RNGTT: variants seen among roughly 807,000 people sequenced by gnomAD.
The protein encoded by RNGTT is RNA guanylyltransferase and 5'-phosphatase, also known as mRNA-capping enzyme.
Under a neutral mutation model 79.3 loss-of-function variants are expected in RNGTT, and 33 were observed. The ratio of observed to expected loss-of-function variants is 0.42; its 90% CI spans 0.32 to 0.56. The LOEUF (loss-of-function observed/expected upper bound fraction) is 0.56, where lower values mean the gene tolerates loss of function less well. Among genes scored for constraint, RNGTT ranks in the 20% least tolerant of loss-of-function variants. The probability of loss-of-function intolerance (pLI) is 0.17; values close to 1 mark genes in which losing one functional copy is unlikely to be tolerated. For synonymous variants in RNGTT, 222 were observed against 235.9 expected (o/e 0.94, Z 0.54); for missense variants, 497 against 739.1 (o/e 0.67, Z 3.80).
chr6:88,886,303 CAA>C (rs35570814), intron 8 of RNGTT, among the ~76,000 whole-genome samples: 1 of 141,938 alleles, frequency 7.0e-6, no homozygotes, highest in Non-Finnish European at 1.5e-5. Context: ...GACTCCGTCT[CAA>C]AAAAAAAAAG....
At position 88,812,028 on chromosome 6, in the gene RNGTT, T is replaced by C. The variant is rs535190276; in HGVS notation, c.1270-10396A>G. 2.6e-5 allele frequency among the ~76,000 whole-genome samples: 4 copies of C among 152,312 alleles called. No homozygotes were observed. In the East Asian group the frequency reaches 7.7e-4, roughly 29 times the overall value. ...TTAGGATTATTCAATGCTTCTGTACTCTGAATGTCCTTCTAATCAGTAAAT... is the reference window on the plus strand; with the variant it reads ...TTAGGATTATTCAATGCTTCTGTACCCTGAATGTCCTTCTAATCAGTAAAT... On this transcript the variant is annotated intron_variant, in intron 11 of 15. Coordinates refer to ENST00000369485, the MANE Select transcript of RNGTT (RefSeq NM_003800.5).
At chr6:88,775,330 C>T (rs1778840566) in intron 12 of RNGTT, among the ~76,000 whole-genome samples, 1 of 152,136 alleles carries the variant, frequency 6.6e-6, no homozygotes, top group Admixed American at 6.6e-5. Flanking sequence ...GTACATTAGA[C>T]CTCCAGATTT....
chr6:88,662,806 C>T (rs1046154629), intron 14 of RNGTT, among the ~76,000 whole-genome samples: 9 of 152,314 alleles, frequency 5.9e-5, no homozygotes, highest in East Asian at 1.9e-4. Flanking sequence ...ATTAACACAG[C>T]GGTTGAACAC....
Position 88,767,678 on chromosome 6 carries a change from CAAAAAAAAAAAAA to C in RNGTT, c.1439+2083_1439+2095del, listed in dbSNP as rs58712575. On this transcript the variant is annotated intron_variant, in intron 13 of 15. Transcript: ENST00000369485. The stretch of plus-strand genomic sequence containing the variant: ...TTCGAAGAACTATATTCACTTGTGT[CAAAAAAAAAAAAA>C]AAAAAAAAAAAAACAGCGTAGCCCC... Among the ~76,000 whole-genome samples the C allele has an allele frequency of 9.1e-3, 764 of 83,536 alleles. 4 individuals carry two copies. The highest frequency in any genetic ancestry group is 0.013 in the Middle Eastern group (2 of 150). The allele number at this position is 83,536 out of a possible 152,430, so 54.8% of individuals were successfully genotyped here.
intron 13 of RNGTT, among the ~76,000 whole-genome samples, chr6:88,748,709 C>A: frequency 6.6e-6 from 1 of 151,656 alleles, no homozygotes; most frequent in Non-Finnish European, 1.5e-5. Flanking sequence ...ACTGCAAATA[C>A]AGAAAATATT....
intron 13 of RNGTT, among the ~76,000 whole-genome samples, chr6:88,725,111 C>T (rs540730853): frequency 2.6e-5 from 4 of 152,346 alleles, no homozygotes; most frequent in Middle Eastern, 6.8e-3. Context: ...ACCAAAACTT[C>T]ACTTATAACA....
intron 13 of RNGTT, among the ~76,000 whole-genome samples, chr6:88,715,806 T>A (rs1470689959): frequency 2.6e-5 from 4 of 152,088 alleles, no homozygotes; most frequent in Admixed American, 1.3e-4. Context: ...ACCTTATACA[T>A]AAATTAATTC....
intron 4 of RNGTT, among the ~76,000 whole-genome samples, chr6:88,928,689 T>C (rs997311645): frequency 1.3e-5 from 2 of 152,128 alleles, no homozygotes; most frequent in South Asian, 2.1e-4. Flanking sequence ...TAATATAGTA[T>C]AAAATGTAAA....
At chr6:88,915,936 A>C (rs1783986142) in intron 4 of RNGTT, among the ~76,000 whole-genome samples, 1 of 152,206 alleles carries the variant, frequency 6.6e-6, no homozygotes, top group South Asian at 2.1e-4. Context: ...ATAAGATAAC[A>C]CAGTATTTTT....
intron 12 of RNGTT, among the ~76,000 whole-genome samples, chr6:88,784,656 T>G (rs1779170675): frequency 6.6e-6 from 1 of 152,172 alleles, no homozygotes; most frequent in Non-Finnish European, 1.5e-5. Flanking sequence ...AAATCAATTT[T>G]CTGACCCTAC....
intron 13 of RNGTT, among the ~76,000 whole-genome samples, chr6:88,703,482 A>G (rs1287501924): frequency 6.6e-6 from 1 of 152,198 alleles, no homozygotes; most frequent in Non-Finnish European, 1.5e-5. Flanking sequence ...TGAGAGCTAA[A>G]CACTGGGTAC....
chr6:88,842,137 G>A (rs149544009), intron 11 of RNGTT, among the ~76,000 whole-genome samples: 1 of 152,170 alleles, frequency 6.6e-6, no homozygotes, highest in Non-Finnish European at 1.5e-5. Context: ...AAAGGAAAAC[G>A]GGAAGTCAGA....
intron 14 of RNGTT, among the ~76,000 whole-genome samples, chr6:88,658,567 G>C (rs1774067155): frequency 6.6e-6 from 1 of 152,228 alleles, no homozygotes; most frequent in African/African-American, 2.4e-5. Flanking sequence ...TTAATATTGA[G>C]TGTCAACTTG....
At chr6:88,701,810 T>C (rs911303674) in intron 13 of RNGTT, among the ~76,000 whole-genome samples, 4 of 150,138 alleles carry the variant, frequency 2.7e-5, no homozygotes, top group African/African-American at 7.6e-5. Flanking sequence ...GCTCTTTGTT[T>C]CTAATTCTCA....
intron 8 of RNGTT, among the ~76,000 whole-genome samples, chr6:88,879,753 C>G (rs537773899): frequency 2.0e-5 from 3 of 152,228 alleles, no homozygotes; most frequent in African/African-American, 7.2e-5. Context: ...AAATATGTTT[C>G]CCTACCTTAA....
At chr6:88,635,653 A>G (rs972555219) in intron 14 of RNGTT, among the ~76,000 whole-genome samples, 1 of 152,054 alleles carries the variant, frequency 6.6e-6, no homozygotes, top group Admixed American at 6.6e-5. Context: ...GTGGTTTCTA[A>G]TATTTACTCT....
chr6:88,745,881 G>T (rs988827374), intron 13 of RNGTT, among the ~76,000 whole-genome samples: 6 of 152,072 alleles, frequency 3.9e-5, no homozygotes, highest in African/African-American at 1.4e-4. Flanking sequence ...AATTGTGGAA[G>T]TTATCAATTT....
At chr6:88,880,003 C>T (rs1408446112) in intron 8 of RNGTT, among the ~76,000 whole-genome samples, 1 of 152,040 alleles carries the variant, frequency 6.6e-6, no homozygotes, top group African/African-American at 2.4e-5. Flanking sequence ...GACCACACAA[C>T]CCACAAATGA....
At chr6:88,784,892 G>A (rs1254295529) in intron 12 of RNGTT, among the ~76,000 whole-genome samples, 1 of 151,898 alleles carries the variant, frequency 6.6e-6, no homozygotes, top group Admixed American at 6.6e-5. Context: ...TAAAAAAGTG[G>A]AATGAAAATA....
Sources: gnomAD v4.1 joint callset for allele counts (sites outside exome capture counted in the v4.1 genomes callset) on GRCh38, gnomAD v4.1.1 for gene constraint, MANE v1.5 for transcripts, NCBI Gene and HGNC (gene_info 2026-07-23, HGNC 2026-07-21) for gene names.